NIBAN3: variants seen among roughly 807,000 people sequenced by gnomAD.
The protein encoded by NIBAN3 is protein Niban 3.
In NIBAN3, 66 loss-of-function variants were observed where a neutral mutation model predicts 76.4. The ratio of observed to expected loss-of-function variants is 0.86; its 90% CI spans 0.71 to 1.06. The LOEUF is 1.06. NIBAN3 is among the 50% of genes least tolerant of loss of function. The pLI is 0.00. For missense variants in NIBAN3, 808 were observed against 810.7 expected (o/e 1.00, Z 0.04); for synonymous variants, 360 against 355.2 (o/e 1.01, Z -0.15).
chr19:17,530,641 G>A, intron 1 of NIBAN3, 114 bp from the exon 2 acceptor site: 1 of 953,346 alleles, frequency 1.0e-6, no homozygotes, highest in Non-Finnish European at 1.5e-6. Context: ...TTGTCTGGAA[G>A]CTCAGGATGA....
intron 8 of NIBAN3, 132 bp downstream of exon 8, chr19:17,539,897 C>T: frequency 3.2e-6 from 1 of 316,862 alleles, no homozygotes; most frequent in Non-Finnish European, 5.5e-6. Context: ...CGGGGCCAAG[C>T]ATAGGATGTG....
chr19:17,526,676 A>C (rs1270173643), upstream of NIBAN3, among the ~76,000 whole-genome samples: 1 of 150,638 alleles, frequency 6.6e-6, no homozygotes, highest in Non-Finnish European at 1.5e-5. Context: ...AAAGAAATGG[A>C]GTCCAGGTGA....
Position 17,553,576 on chromosome 19 carries a change from C to A in NIBAN3, c.*1678C>A. On this transcript the variant is annotated 3_prime_UTR_variant, in exon 15 of 15. Transcript: ENST00000599164. ...CCCAAGACAATGAGATATTCCTGAC[C>A]TTTCCACCTATTTCCCTCCAACCCC... The A allele has an allele frequency of 6.2e-7, 1 of 1,608,598 alleles. No individual in the cohort carries two copies. The highest frequency in any genetic ancestry group is 8.5e-7 in the Non-Finnish European group (1 of 1,175,046).
chr19:17,534,149 G>T (rs533344136), intron 4 of NIBAN3, among the ~76,000 whole-genome samples: 67 of 151,990 alleles, frequency 4.4e-4, no homozygotes, highest in Non-Finnish European at 8.4e-4. Context: ...GCAGTGAGCC[G>T]AGATTGCCCC....
upstream of NIBAN3, among the ~76,000 whole-genome samples, chr19:17,526,345 C>T (rs1302105025): frequency 2.0e-5 from 3 of 151,324 alleles, no homozygotes; most frequent in Non-Finnish European, 4.4e-5. Flanking sequence ...TTAAGAGACA[C>T]TTAAAACGTG....
intron 12 of NIBAN3, among the ~76,000 whole-genome samples, chr19:17,544,394 A>C (rs1363610124): frequency 1.3e-5 from 2 of 152,110 alleles, no homozygotes; most frequent in Non-Finnish European, 1.5e-5. Context: ...GGGGTTCATT[A>C]CCCTGTGTCT....
At chr19:17,550,308 T>A (rs964738404) in intron 14 of NIBAN3, among the ~76,000 whole-genome samples, 4 of 152,192 alleles carry the variant, frequency 2.6e-5, no homozygotes, top group Non-Finnish European at 5.9e-5. Flanking sequence ...ACTTCCTAGC[T>A]GATCTGGGAC....
chr19:17,537,430 C>T lies in NIBAN3; in HGVS notation c.482C>T (p.Pro161Leu), dbSNP rs373318613. 3.0e-5 allele frequency: 49 copies of T among 1,613,976 alleles called. 1 individual carries two copies. The highest frequency in any genetic ancestry group is 2.1e-4 in the South Asian group (19 of 91,078). The change falls in exon 5 of 15, where the codon CCG (proline) becomes CTG (leucine). Residue 161 changes from proline to leucine, a missense_variant. Physicochemically the swap from Pro to Leu is moderately conservative, Grantham distance 98 (BLOSUM62 -3). Transcript: ENST00000599164. Reference sequence around the variant, plus strand: ...CTCTTGGAAGTGCCTGTGAGCTTCCCGCTGTTCCTGCAGCACCCCTTCCGC... The same window carrying T: ...CTCTTGGAAGTGCCTGTGAGCTTCCTGCTGTTCCTGCAGCACCCCTTCCGC... The part of the protein sequence containing the change: ...DSLLEVPVSF[P>L]LFLQHPFRRH...
At chr19:17,528,899 A>T (rs1599705754) in intron 1 of NIBAN3, among the ~76,000 whole-genome samples, 2 of 151,754 alleles carry the variant, frequency 1.3e-5, no homozygotes, top group Admixed American at 1.3e-4. Context: ...ATGATGGGAG[A>T]GAGCTCACAT....
At chr19:17,539,310 C>G in intron 6 of NIBAN3, 37 bp from the exon 7 acceptor site, 1 of 1,555,450 alleles carries the variant, frequency 6.4e-7, no homozygotes, top group Non-Finnish European at 8.7e-7. Context: ...AGGACCCTCC[C>G]GGCCGACCGC....
chr19:17,542,383 T>C lies in NIBAN3; in HGVS notation c.1329+89T>C, dbSNP rs1376528185. On this transcript the variant is annotated intron_variant, in intron 10 of 14. Coordinates refer to ENST00000599164, the MANE Select transcript of NIBAN3 (RefSeq NM_001321827.2). The surrounding 1 kb of genome is among the most constrained non-coding windows in gnomAD (Gnocchi z 4.8). ...TAAGTGTGCCCTGGAGAGACCACGA[T>C]GATCGAGACAACTCCGCGGGGCTGC... The C allele has an allele frequency of 8.6e-6, 12 of 1,392,350 alleles. No individual in the cohort carries two copies. The highest frequency in any genetic ancestry group is 2.3e-5 in the Admixed American group (1 of 43,756). 86.2% of individuals were successfully genotyped at this position (1,392,350 alleles called of 1,614,324 possible). A position where few individuals can be genotyped will look rare whatever the true frequency, so the allele number is the denominator to read the frequency against.
At chr19:17,549,697 G>C in intron 14 of NIBAN3, 170 bp downstream of exon 14, 1 of 676,780 alleles carries the variant, frequency 1.5e-6, no homozygotes, top group South Asian at 1.6e-5. Context: ...CAAGCTCAGT[G>C]GGAAGTTGTG....
upstream of NIBAN3, chr19:17,523,512 AG>A: frequency 1.3e-5 from 20 of 1,483,982 alleles, no homozygotes; most frequent in Non-Finnish European, 1.8e-5. Context: ...GGGCTGGTTG[AG>A]GGCAGGAGGC....
At chr19:17,541,936 G>A (rs1433741274) in intron 9 of NIBAN3, among the ~76,000 whole-genome samples, 200 bp from the exon 10 acceptor site, 1 of 151,942 alleles carries the variant, frequency 6.6e-6, no homozygotes, top group East Asian at 1.9e-4. Context: ...CACCCACCTC[G>A]GCCTCCCAAA....
chr19:17,530,297 A>T (rs1248059718), intron 1 of NIBAN3, among the ~76,000 whole-genome samples: 1 of 151,334 alleles, frequency 6.6e-6, no homozygotes, highest in Non-Finnish European at 1.5e-5. Flanking sequence ...CTCCAGCCTG[A>T]CAACAGAGTG....
At chr19:17,539,908 CA>C in intron 8 of NIBAN3, 143 bp downstream of exon 8, 2 of 207,508 alleles carry the variant, frequency 9.6e-6, no homozygotes, top group South Asian at 1.2e-4. Context: ...ATAGGATGTG[CA>C]AGGGAACGGG....
Position 17,540,593 on chromosome 19 carries a change from G to T in NIBAN3, c.1170+11G>T, listed in dbSNP as rs1028045931. Reference sequence around the variant, plus strand: ...CGGCTGCGCAGGGAGGTGAGCTCCCGTGGGTAGGGGTTCAGTGAGCCAGAG... The same window carrying T: ...CGGCTGCGCAGGGAGGTGAGCTCCCTTGGGTAGGGGTTCAGTGAGCCAGAG... On this transcript the variant is annotated intron_variant, in intron 9 of 14. Coordinates refer to ENST00000599164, the MANE Select transcript of NIBAN3 (RefSeq NM_001321827.2). The T allele has an allele frequency of 2.0e-6, 3 of 1,468,280 alleles. No homozygotes were observed. The East Asian group carries it at 7.6e-5, about 37-fold the overall frequency. 91.0% of individuals were successfully genotyped at this position (1,468,280 alleles called of 1,614,324 possible).
At chr19:17,527,120 C>G, upstream of NIBAN3, 9 of 1,190,804 alleles carry the variant, frequency 7.6e-6, no homozygotes, top group South Asian at 8.9e-5. Context: ...CAACCTAACC[C>G]CGGGGCTGTC....
At chr19:17,523,613 G>C (rs2075578048), upstream of NIBAN3, among the ~76,000 whole-genome samples, 1 of 152,164 alleles carries the variant, frequency 6.6e-6, no homozygotes, top group Admixed American at 6.5e-5. Flanking sequence ...GTTGTGCCTG[G>C]GGCTGTCACC....
Sources: gnomAD v4.1 joint callset for allele counts (sites outside exome capture counted in the v4.1 genomes callset) on GRCh38, gnomAD v4.1.1 for gene constraint, Gnocchi (gnomAD v3.1) non-coding constraint, MANE v1.5 for transcripts, NCBI Gene and HGNC (gene_info 2026-07-23, HGNC 2026-07-21) for gene names.